Variants in VPS13C observed in about 807,000 individuals in gnomAD.
The protein encoded by VPS13C is intermembrane lipid transfer protein VPS13C.
In VPS13C, 358 loss-of-function variants were observed where a neutral mutation model predicts 456.8. That is an observed-to-expected ratio of 0.78 (90% CI 0.72 to 0.86). The LOEUF (loss-of-function observed/expected upper bound fraction) is 0.86. VPS13C is among the 40% of genes least tolerant of loss of function. VPS13C has a pLI of 0.00. For synonymous variants in VPS13C, 1,578 were observed against 1,486.7 expected (o/e 1.06, Z -1.41); for missense variants, 4,818 against 4,385.4 (o/e 1.10, Z -2.79).
intron 54 of VPS13C, 89 bp downstream of exon 54, chr15:61,922,308 G>A (rs1412385527): frequency 6.8e-7 from 1 of 1,460,396 alleles, no homozygotes; most frequent in African/African-American, 1.4e-5. Flanking sequence ...TACTCATAGT[G>A]GCCATGCACA....
chr15:61,900,879 C>T (rs973942999), intron 66 of VPS13C, among the ~76,000 whole-genome samples: 1,631 of 151,362 alleles, frequency 0.011, 39 homozygotes, highest in African/African-American at 0.038. Flanking sequence ...GCTACAGTAA[C>T]CAAAACAGCA....
intron 59 of VPS13C, 72 bp downstream of exon 59, chr15:61,918,064 T>G: frequency 6.9e-7 from 1 of 1,449,160 alleles, no homozygotes; most frequent in Non-Finnish European, 9.3e-7. Context: ...AATAAAAATA[T>G]GAAGTTATTT....
intron 15 of VPS13C, 151 bp from the exon 16 acceptor site, chr15:62,000,777 T>C (rs2046585260): frequency 5.7e-6 from 3 of 524,968 alleles, no homozygotes; most frequent in African/African-American, 4.0e-5. Context: ...TCTAGACTTT[T>C]AAATTTTTTA....
At chr15:62,015,917 A>G (rs1368669613) in intron 9 of VPS13C, among the ~76,000 whole-genome samples, 3 of 140,290 alleles carry the variant, frequency 2.1e-5, no homozygotes, top group East Asian at 2.1e-4. Context: ...CATGTACCCT[A>G]AAACTTAGAG....
chr15:62,056,364 G>C (rs186889464), intron 1 of VPS13C, among the ~76,000 whole-genome samples: 309 of 152,330 alleles, frequency 2.0e-3, no homozygotes, highest in Non-Finnish European at 3.7e-3. Context: ...GCCATACAGA[G>C]ATAGGAGCTG....
intron 5 of VPS13C, among the ~76,000 whole-genome samples, chr15:62,032,991 T>C (rs1183066498): frequency 6.6e-6 from 1 of 151,754 alleles, no homozygotes; most frequent in Non-Finnish European, 1.5e-5. Flanking sequence ...TTTTTTTTAA[T>C]ATCCTGTACA....
At chr15:61,872,290 T>A (rs1014022043) in intron 78 of VPS13C, among the ~76,000 whole-genome samples, 2 of 152,152 alleles carry the variant, frequency 1.3e-5, no homozygotes, top group African/African-American at 4.8e-5. Context: ...GTAAAAGGAT[T>A]TTAAATCTGG....
At chr15:61,900,069 A>G (rs1390629915) in intron 66 of VPS13C, among the ~76,000 whole-genome samples, 1 of 152,210 alleles carries the variant, frequency 6.6e-6, no homozygotes, top group Non-Finnish European at 1.5e-5. Flanking sequence ...ACAACCCTTC[A>G]TGCTAAAAAC....
rs192132649 is a variant in VPS13C at position 61,947,817 on chromosome 15, A to G, written c.4760-508T>C. On this transcript the variant is annotated intron_variant, in intron 42 of 84. Coordinates refer to ENST00000644861, the MANE Select transcript of VPS13C (RefSeq NM_020821.3). ...CAGATTACACCCTGTTGCTCCATCA[A>G]GAATCCTAAAATAAATTCTTTGAGA... 9.8e-4 allele frequency among the ~76,000 whole-genome samples: 149 copies of G among 152,358 alleles called. 1 individual carries two copies. Among genetic ancestry groups the G allele is most frequent in the African/African-American group, 3.3e-3 (139 of 41,594 alleles).
intron 15 of VPS13C, among the ~76,000 whole-genome samples, chr15:62,006,561 A>G (rs2046854724): frequency 6.6e-6 from 1 of 152,172 alleles, no homozygotes; most frequent in Non-Finnish European, 1.5e-5. Flanking sequence ...GCCGCAATAA[A>G]CATATGTGTG....
At chr15:61,962,708 A>T (rs2045249506) in intron 33 of VPS13C, 41 bp downstream of exon 33, 1 of 1,410,920 alleles carries the variant, frequency 7.1e-7, no homozygotes, top group Non-Finnish European at 9.7e-7. Context: ...GCTCATATTC[A>T]GTCATTAAAG....
At chr15:62,007,224 AT>A in intron 15 of VPS13C, 83 bp downstream of exon 15, 3 of 1,066,366 alleles carry the variant, frequency 2.8e-6, no homozygotes, top group Non-Finnish European at 2.5e-6. Context: ...TCCTAAAATT[AT>A]TTTTTGATTC....
rs538752727 is a variant in VPS13C at position 61,924,306 on chromosome 15, G to T, written c.6609+1150C>A. Among the ~76,000 whole-genome samples the T allele has an allele frequency of 1.9e-4, 29 of 152,252 alleles. No individual in the cohort carries two copies. In the South Asian group the frequency reaches 6.0e-3, roughly 32 times the overall value. The stretch of plus-strand genomic sequence containing the variant: ...AATCAAATAGTCCTGCTTCTACACA[G>T]CTTTCCCTGATGTCCTGGTCTGAAT... On this transcript the variant is annotated intron_variant, in intron 53 of 84. Transcript: ENST00000644861.
At chr15:61,868,394 T>C (rs1020485547) in intron 81 of VPS13C, among the ~76,000 whole-genome samples, 22 of 152,100 alleles carry the variant, frequency 1.4e-4, no homozygotes, top group African/African-American at 5.3e-4. Flanking sequence ...AAATGAGCTA[T>C]CACAGAAATA....
intron 1 of VPS13C, among the ~76,000 whole-genome samples, chr15:62,055,079 A>G (rs956180805): frequency 1.3e-5 from 2 of 152,258 alleles, no homozygotes; most frequent in Non-Finnish European, 2.9e-5. Flanking sequence ...TTAAAAATAC[A>G]TAAGAATTGC....
At chr15:61,893,795 T>A (rs2042722762) in intron 66 of VPS13C, among the ~76,000 whole-genome samples, 1 of 152,140 alleles carries the variant, frequency 6.6e-6, no homozygotes, top group Non-Finnish European at 1.5e-5. Context: ...GTTTCCTTGC[T>A]TTCCTTTCTG....
chr15:62,052,672 CAA>C (rs35444089), intron 1 of VPS13C, among the ~76,000 whole-genome samples: 143 of 70,530 alleles, frequency 2.0e-3, no homozygotes, highest in Non-Finnish European at 2.9e-3. Flanking sequence ...GACTCCGTCT[CAA>C]AAAAAAAAAA....
At chr15:61,914,654 G>A (rs1038115806) in intron 61 of VPS13C, among the ~76,000 whole-genome samples, 22 of 150,836 alleles carry the variant, frequency 1.5e-4, no homozygotes, top group African/African-American at 4.4e-4. Context: ...TCTGCCTCCC[G>A]GGTTCAAGTG....
chr15:61,950,227 C>T, intron 41 of VPS13C, 131 bp downstream of exon 41: 1 of 692,774 alleles, frequency 1.4e-6, no homozygotes, highest in Non-Finnish European at 2.5e-6. Flanking sequence ...TAACTTTATC[C>T]ATAAATTAGG....
Sources: gnomAD v4.1 joint callset for allele counts (sites outside exome capture counted in the v4.1 genomes callset) on GRCh38, gnomAD v4.1.1 for gene constraint, MANE v1.5 for transcripts, NCBI Gene and HGNC (gene_info 2026-07-23, HGNC 2026-07-21) for gene names.